The following KLHL41 variants were observed in gnomAD, a reference collection of about 807,000 sequenced individuals.
KLHL41 encodes kelch-like protein 41.
A neutral mutation model predicts 49.2 loss-of-function variants in KLHL41; 31 were observed. That is an observed-to-expected ratio of 0.63 (90% CI 0.47 to 0.85). The LOEUF (loss-of-function observed/expected upper bound fraction) is 0.85. Ranked by LOEUF, KLHL41 falls within the 40% of genes least tolerant of loss-of-function variation. The pLI, the probability that KLHL41 is intolerant of heterozygous loss-of-function variation, is 0.00. For missense variants in KLHL41, 663 were observed against 726.7 expected (o/e 0.91, Z 1.01); for synonymous variants, 218 against 258.5 (o/e 0.84, Z 1.50).
chr2:169,516,264 A>T, intron 3 of KLHL41, among the ~76,000 whole-genome samples: 1 of 152,230 alleles, frequency 6.6e-6, no homozygotes, highest in Middle Eastern at 3.2e-3. Flanking sequence ...CAAGAACTCT[A>T]TTCTGGAGTT....
intron 5 of KLHL41, among the ~76,000 whole-genome samples, chr2:169,522,093 A>G (rs1269797598): frequency 1.3e-5 from 2 of 152,020 alleles, no homozygotes; most frequent in Non-Finnish European, 2.9e-5. Context: ...AATTGTTTGC[A>G]CATTTAAGTT....
At position 169,510,158 on chromosome 2, in the gene KLHL41, A is replaced by C; in HGVS notation, c.380A>C (p.Gln127Pro). The stretch of plus-strand genomic sequence containing the variant: ...TTTACTGTCTGCGTTTCTTATCTTC[A>C]GAAAAGACTTGCTCCTGGTAACTGT... ...SVFTVCVSYL[Q>P]KRLAPGNCLA... The change falls in exon 1 of 6, where the codon CAG becomes CCG. Residue 127 changes from glutamine (Q) to proline (P), a missense_variant. By Grantham distance (76) the Gln-to-Pro change is moderately conservative. Around this residue, in one of 3 missense-constraint regions of KLHL41, gnomAD observed 528 missense variants for 581.0 expected, o/e 0.91. Transcript: ENST00000284669. This position sits in a 1 kb window ranked among gnomAD's most constrained non-coding sequence, Gnocchi z 4.2. The C allele has an allele frequency of 6.2e-7, 1 of 1,614,152 alleles. No individual in the cohort carries two copies.
At chr2:169,523,237 A>T (rs190325711) in intron 5 of KLHL41, among the ~76,000 whole-genome samples, 1 of 152,280 alleles carries the variant, frequency 6.6e-6, no homozygotes, top group African/African-American at 2.4e-5. Context: ...TAAAAGAGGG[A>T]TCCTCTCTGA....
chr2:169,520,152 CTGTGTGTGTGTGTGTGTGTG>C (rs59155387), intron 4 of KLHL41, among the ~76,000 whole-genome samples: 25 of 105,030 alleles, frequency 2.4e-4, no homozygotes, highest in Non-Finnish European at 3.0e-4. Flanking sequence ...AGGCCTAGCT[CTGTGTGTGTGTGTGTGTGTG>C]TGTGTGTGTG....
Position 169,509,838 on chromosome 2 carries a change from G to C in KLHL41, c.60G>C (p.Gln20His), listed in dbSNP as rs1684001993. The change falls in exon 1 of 6, where the codon CAG becomes CAC. Residue 20 changes from glutamine to histidine, a missense_variant. By Grantham distance (24) the Gln-to-His change is conservative. Coordinates refer to ENST00000284669, the MANE Select transcript of KLHL41 (RefSeq NM_006063.3). ...GGCTTTACCAATCCACCCTTCTTCA[G>C]GATGGTCTAAAAGATCTCCTGGATG... is the stretch of plus-strand genomic sequence containing the variant. ...ELRLYQSTLL[Q>H]DGLKDLLDEK... 6.2e-7 allele frequency: 1 copy of C among 1,613,884 alleles called. No homozygotes were observed. The highest frequency in any genetic ancestry group is 1.1e-5 in the South Asian group (1 of 91,078).
chr2:169,512,226 T>C (rs1476076709), intron 1 of KLHL41, among the ~76,000 whole-genome samples: 1 of 152,204 alleles, frequency 6.6e-6, no homozygotes, highest in East Asian at 1.9e-4. Context: ...GTGAAGAATG[T>C]TATAAGTATT....
chr2:169,511,570 T>C (rs890207431), intron 1 of KLHL41, among the ~76,000 whole-genome samples: 2 of 152,244 alleles, frequency 1.3e-5, no homozygotes, highest in Admixed American at 1.3e-4. Context: ...TTTGAAGTTC[T>C]TGGAGGTAGC....
chr2:169,520,063 G>A (rs774922275), intron 4 of KLHL41, among the ~76,000 whole-genome samples: 3 of 151,658 alleles, frequency 2.0e-5, no homozygotes, highest in East Asian at 2.0e-4. Context: ...GCAGCAATGC[G>A]ATCATAGCTC....
intron 3 of KLHL41, among the ~76,000 whole-genome samples, chr2:169,517,809 G>A (rs749854562): frequency 1.4e-4 from 22 of 152,126 alleles, no homozygotes; most frequent in Admixed American, 3.3e-4. Flanking sequence ...TAACTGATTC[G>A]TTCCTAGGAT....
chr2:169,525,337 CTT>C (rs1355105419), intron 5 of KLHL41, among the ~76,000 whole-genome samples: 2 of 152,212 alleles, frequency 1.3e-5, no homozygotes, highest in Non-Finnish European at 2.9e-5. Context: ...TCTCTGCAGT[CTT>C]TGATTCCCAG....
chr2:169,520,789 C>T (rs575021393), intron 4 of KLHL41, 72 bp from the exon 5 acceptor site: 4 of 1,234,812 alleles, frequency 3.2e-6, no homozygotes, highest in Non-Finnish European at 4.6e-6. Flanking sequence ...TTATTATTTC[C>T]TATAATTATT....
intron 5 of KLHL41, among the ~76,000 whole-genome samples, chr2:169,522,382 C>A (rs569005964): frequency 7.2e-4 from 110 of 151,912 alleles, no homozygotes; most frequent in African/African-American, 2.6e-3. Flanking sequence ...CTCCTCCCCC[C>A]AAAAAAGAGG....
rs988821560 is a variant in KLHL41, at chr2:169,510,997, A to G, written c.1110+109A>G. ...AGCTGCTTGCATTTTACTCTAATTG[A>G]TGTCCTATTCCAGTCCCTTGCACTT... is the stretch of plus-strand genomic sequence containing the variant. On this transcript the variant is annotated intron_variant, in intron 1 of 5. Transcript: ENST00000284669. This position sits in a 1 kb window ranked among gnomAD's most constrained non-coding sequence, Gnocchi z 4.2. The G allele has an allele frequency of 3.7e-5, 34 of 913,452 alleles. No individual in the cohort carries two copies. The highest frequency in any genetic ancestry group is 5.5e-5 in the Non-Finnish European group (33 of 594,976). The allele number at this position is 913,452 out of a possible 1,614,324, so 56.6% of individuals were successfully genotyped here.
chr2:169,511,848 A>G (rs1684033321), intron 1 of KLHL41, among the ~76,000 whole-genome samples: 1 of 152,130 alleles, frequency 6.6e-6, no homozygotes, highest in Non-Finnish European at 1.5e-5. Context: ...AAACCAATAT[A>G]CCCTTAGTTG....
At position 169,509,927 on chromosome 2, in the gene KLHL41, T is replaced by C. The variant is rs1302176240; in HGVS notation, c.149T>C (p.Ile50Thr). The C allele has an allele frequency of 3.7e-6, 6 of 1,614,200 alleles. No homozygotes were observed. The highest frequency in any genetic ancestry group is 5.1e-6 in the Non-Finnish European group (6 of 1,180,042). The change falls in exon 1 of 6, where the codon ATT (isoleucine) becomes ACT (threonine). Residue 50 changes from isoleucine (I) to threonine (T), a missense_variant. Physicochemically the swap from Ile to Thr is moderately conservative, Grantham distance 89. Transcript: ENST00000284669. ...GDKSLPCHRL[I>T]LSACSPYFRE... ...AAAAGTCTTCCTTGCCACAGATTGA[T>C]TTTGTCAGCTTGTAGTCCTTACTTC...
chr2:169,525,574 T>C lies in KLHL41; in HGVS notation c.1710-11T>C, dbSNP rs746051363. On this transcript the variant is annotated splice_polypyrimidine_tract_variant and intron_variant, in intron 5 of 5. Transcript: ENST00000284669. ...AGCTGCTTATTGATTACTTTTTTTT[T>C]CCTCCATCAGGTATGAAGATGATAA... 2 of 1,525,092 alleles carry C rather than the reference T, an allele frequency of 1.3e-6. No homozygotes were observed. The highest frequency in any genetic ancestry group is 9.1e-7 in the Non-Finnish European group (1 of 1,099,576). 94.5% of individuals were successfully genotyped at this position (1,525,092 alleles called of 1,614,324 possible).
At chr2:169,524,356 T>C in intron 5 of KLHL41, among the ~76,000 whole-genome samples, 1 of 151,872 alleles carries the variant, frequency 6.6e-6, no homozygotes, top group East Asian at 1.9e-4. Context: ...CTTATGTAGG[T>C]ACAAGCTAAT....
chr2:169,518,204 G>A lies in KLHL41; in HGVS notation c.1391G>A (p.Arg464Lys). The A allele has an allele frequency of 1.2e-6, 2 of 1,612,062 alleles. No individual in the cohort carries two copies. Among genetic ancestry groups the A allele is most frequent in the Non-Finnish European group, 1.7e-6 (2 of 1,178,860 alleles). ...TCTGTTTACAGAAAATGTACAAACAGGGTGTTTATCTTCAACCCCAAAAAA... is the reference window on the plus strand; with the variant it reads ...TCTGTTTACAGAAAATGTACAAACAAGGTGTTTATCTTCAACCCCAAAAAA... ...GKTDDKKCTN[R>K]VFIFNPKKGD... is the part of the protein sequence containing the mutation. Residue 464 changes from arginine (R) to lysine (K), a missense_variant, in exon 4 of 6, where the codon AGG (arginine) becomes AAG (lysine). By Grantham distance (26) the Arg-to-Lys change is conservative. Around this residue, in one of 3 missense-constraint regions of KLHL41, gnomAD observed 528 missense variants for 581.0 expected, o/e 0.91. Coordinates refer to ENST00000284669, the MANE Select transcript of KLHL41 (RefSeq NM_006063.3).
At chr2:169,514,782 C>T in intron 2 of KLHL41, 51 bp downstream of exon 2, 1 of 1,595,514 alleles carries the variant, frequency 6.3e-7, no homozygotes, top group Non-Finnish European at 8.6e-7. Flanking sequence ...ATATGCGTGC[C>T]TACAACATAT....
Sources: allele counts gnomAD v4.1 joint callset (sites outside exome capture counted in the v4.1 genomes callset), GRCh38; gene constraint gnomAD v4.1.1; regional missense constraint gnomAD v4.1.1; non-coding constraint Gnocchi (gnomAD v3.1); transcripts MANE v1.5; gene names NCBI Gene and HGNC (gene_info 2026-07-23, HGNC 2026-07-21).